The following ASCC3 variants were observed in gnomAD, a reference collection of about 807,000 sequenced individuals.
ASCC3 encodes activating signal cointegrator 1 complex subunit 3.
Under a neutral mutation model 256.3 loss-of-function variants are expected in ASCC3, and 158 were observed. The observed-to-expected ratio is 0.62, with a 90% CI of 0.54 to 0.70. The LOEUF is 0.70. Among genes scored for constraint, ASCC3 ranks in the 30% least tolerant of loss-of-function variants. ASCC3 has a pLI of 0.00. For missense variants in ASCC3, 2,259 were observed against 2,626.0 expected, an observed-to-expected ratio of 0.86 and a Z score of 3.05; for synonymous variants, 948 against 883.4, an observed-to-expected ratio of 1.07 and a Z score of -1.30.
At chr6:100,739,618 ACTATTGGT>A (rs1780334007) in intron 10 of ASCC3, among the ~76,000 whole-genome samples, 1 of 152,034 alleles carries the variant, frequency 6.6e-6, no homozygotes, top group East Asian at 1.9e-4. Context: ...TTCAGAACTC[ACTATTGGT>A]CTATTCAGGG....
intron 30 of ASCC3, among the ~76,000 whole-genome samples, chr6:100,607,345 AATG>A (rs1453965893): frequency 6.6e-6 from 1 of 152,062 alleles, no homozygotes; most frequent in Non-Finnish European, 1.5e-5. Flanking sequence ...TCTGTAGATA[AATG>A]ATATGTTCTT....
At chr6:100,596,398 TAA>T (rs1772298927) in intron 34 of ASCC3, among the ~76,000 whole-genome samples, 1 of 152,190 alleles carries the variant, frequency 6.6e-6, no homozygotes, top group Admixed American at 6.5e-5. Flanking sequence ...TTTGATGTGT[TAA>T]AGTCTCCTAA....
intron 34 of ASCC3, among the ~76,000 whole-genome samples, chr6:100,594,890 A>T (rs962099731): frequency 6.6e-6 from 1 of 152,154 alleles, no homozygotes; most frequent in Non-Finnish European, 1.5e-5. Context: ...AACATGGATA[A>T]ATCTAGAGGG....
intron 37 of ASCC3, among the ~76,000 whole-genome samples, chr6:100,525,558 T>C (rs1243144521): frequency 1.3e-5 from 2 of 152,070 alleles, no homozygotes; most frequent in African/African-American, 4.8e-5. Context: ...ATGTTATATG[T>C]ACCCTCAACA....
Position 100,629,411 on chromosome 6 carries a change from TCTAA to T in ASCC3, c.4209-234_4209-231del, listed in dbSNP as rs533452433. Among the ~76,000 whole-genome samples the T allele has an allele frequency of 7.9e-5, 12 of 152,298 alleles. No individual in the cohort carries two copies. The South Asian group carries it at 2.3e-3, about 29-fold the overall frequency. ...CATATAAATTCCAATCACTGACATA[TCTAA>T]CTTTTATACAGATATACAAGGATAT... On this transcript the variant is annotated intron_variant, in intron 26 of 41. Coordinates refer to ENST00000369162, the MANE Select transcript of ASCC3 (RefSeq NM_006828.4).
intron 16 of ASCC3, among the ~76,000 whole-genome samples, chr6:100,656,681 A>G (rs553779310): frequency 4.0e-5 from 6 of 151,696 alleles, no homozygotes; most frequent in Admixed American, 3.9e-4. Flanking sequence ...AAGAGAAAAA[A>G]TTATTAGAAG....
In ASCC3 at chr6:100,718,118, A is replaced by G; in HGVS notation, c.2036T>C (p.Val679Ala). The part of the protein sequence containing the change: ...LFFFDGRFRP[V>A]PLGQTFLGIK... ...CCCCAAAAATGTCTGTCCAAGAGGT[A>G]CTGGTCGAAAACGGCCATCAAAGAA... The change falls in exon 12 of 42, where the codon GTA becomes GCA. Residue 679 changes from valine to alanine, a missense_variant. Val to Ala is a moderately conservative substitution (Grantham distance 64). Around this residue, in one of 2 missense-constraint regions of ASCC3, gnomAD observed 1,839 missense variants for 2,206.7 expected, o/e 0.83. Transcript: ENST00000369162. The G allele has an allele frequency of 1.2e-6, 2 of 1,613,686 alleles. No individual in the cohort carries two copies. The highest frequency in any genetic ancestry group is 1.7e-6 in the Non-Finnish European group (2 of 1,179,760).
intron 4 of ASCC3, among the ~76,000 whole-genome samples, chr6:100,828,406 T>C (rs891886389): frequency 6.6e-6 from 1 of 152,190 alleles, no homozygotes; most frequent in East Asian, 1.9e-4. Context: ...AGTGGGTGTC[T>C]GAAAACTGCA....
chr6:100,568,773 TA>T (rs1179581945), intron 36 of ASCC3, among the ~76,000 whole-genome samples: 21 of 140,548 alleles, frequency 1.5e-4, no homozygotes, highest in African/African-American at 6.2e-4. Context: ...TTATTATTAT[TA>T]TTATTATTAT....
intron 27 of ASCC3, 113 bp from the exon 28 acceptor site, chr6:100,628,100 A>C: frequency 8.6e-7 from 1 of 1,156,468 alleles, no homozygotes; most frequent in East Asian, 2.5e-5. Flanking sequence ...ACAAAAAAAA[A>C]AACAAAAAAA....
chr6:100,833,390 A>G (rs1032757624), intron 4 of ASCC3, among the ~76,000 whole-genome samples: 2 of 152,204 alleles, frequency 1.3e-5, no homozygotes, highest in Admixed American at 6.5e-5. Context: ...ACATACCAGT[A>G]TACATTTGTC....
intron 10 of ASCC3, among the ~76,000 whole-genome samples, chr6:100,761,026 C>A (rs1176102805): frequency 6.6e-6 from 1 of 152,092 alleles, no homozygotes; most frequent in Non-Finnish European, 1.5e-5. Context: ...TACATCTAGG[C>A]AGCTCATAAT....
At chr6:100,701,975 AAAG>A (rs1164090296) in intron 13 of ASCC3, among the ~76,000 whole-genome samples, 2 of 152,154 alleles carry the variant, frequency 1.3e-5, no homozygotes, top group African/African-American at 4.8e-5. Flanking sequence ...AGAAATATGT[AAAG>A]AAGAAGCAGG....
chr6:100,672,792 T>C (rs1776814686), intron 14 of ASCC3, among the ~76,000 whole-genome samples: 1 of 152,034 alleles, frequency 6.6e-6, no homozygotes, highest in Non-Finnish European at 1.5e-5. Flanking sequence ...CCTAGAATGG[T>C]TTCTGTTCCT....
chr6:100,686,625 T>C (rs1378880191), intron 13 of ASCC3, among the ~76,000 whole-genome samples: 4 of 152,164 alleles, frequency 2.6e-5, no homozygotes, highest in Non-Finnish European at 5.9e-5. Context: ...TAGTCCTTGT[T>C]TGATGGGCAT....
intron 22 of ASCC3, 77 bp downstream of exon 22, chr6:100,646,538 C>T: frequency 6.9e-7 from 1 of 1,439,578 alleles, no homozygotes; most frequent in Non-Finnish European, 9.7e-7. Context: ...TTTCTATATG[C>T]CTTAGGAACA....
chr6:100,613,203 T>C (rs1326375223), intron 30 of ASCC3, among the ~76,000 whole-genome samples: 2 of 151,984 alleles, frequency 1.3e-5, no homozygotes, highest in African/African-American at 4.8e-5. Context: ...ATTACCTGAA[T>C]TGGGTACATT....
intron 4 of ASCC3, among the ~76,000 whole-genome samples, chr6:100,812,714 G>A (rs1240758975): frequency 6.6e-6 from 1 of 152,158 alleles, no homozygotes; most frequent in African/African-American, 2.4e-5. Context: ...AGGATTGCTT[G>A]AGGCCAGTAG....
intron 37 of ASCC3, among the ~76,000 whole-genome samples, chr6:100,535,010 C>T (rs911032478): frequency 2.1e-4 from 32 of 152,332 alleles, no homozygotes; most frequent in African/African-American, 7.7e-4. Flanking sequence ...CTAAGACCTA[C>T]TTCCAAGTCC....
Sources: gnomAD v4.1 joint callset for allele counts (sites outside exome capture counted in the v4.1 genomes callset) on GRCh38, gnomAD v4.1.1 for gene constraint, gnomAD v4.1.1 regional missense constraint, MANE v1.5 for transcripts, NCBI Gene and HGNC (gene_info 2026-07-23, HGNC 2026-07-21) for gene names.